The following SYNE1 variants were observed in gnomAD, a reference collection of about 807,000 sequenced individuals.
SYNE1 encodes the protein nesprin-1.
A neutral mutation model predicts 1,111.0 loss-of-function variants in SYNE1; 616 were observed. The observed-to-expected ratio is 0.55, with a 90% CI of 0.52 to 0.59. The LOEUF (loss-of-function observed/expected upper bound fraction) is 0.59. Among genes scored for constraint, SYNE1 ranks in the 20% least tolerant of loss-of-function variants. SYNE1 has a pLI of 0.00. For synonymous variants in SYNE1, 3,855 were observed against 3,825.8 expected (o/e 1.01, Z -0.28); for missense variants, 10,006 against 10,417.0 (o/e 0.96, Z 1.72).
At position 152,510,181 on chromosome 6, in the gene SYNE1, CTT is replaced by C. The variant is rs1429057946; in HGVS notation, c.581+10_581+11del. 4.6e-5 allele frequency: 74 copies of C among 1,613,478 alleles called. No homozygotes were observed. Among genetic ancestry groups the C allele is most frequent in the Non-Finnish European group, 5.8e-5 (68 of 1,179,714 alleles). ...TAACGGTTTCAAATTTAGACAAACT[CTT>C]GATACTTACTTGCCAGCTGTGTACT... On this transcript the variant is annotated intron_variant, in intron 8 of 145. Coordinates refer to ENST00000367255, the MANE Select transcript of SYNE1 (RefSeq NM_182961.4).
rs774930286 is a variant in SYNE1 at position 152,242,476 on chromosome 6, C to T, written c.19693-36G>A. The T allele has an allele frequency of 4.4e-5, 71 of 1,609,856 alleles. No individual in the cohort carries two copies. The Admixed American group carries it at 1.2e-3, about 26-fold the overall frequency. On this transcript the variant is annotated intron_variant, in intron 106 of 145. Coordinates refer to ENST00000367255, the MANE Select transcript of SYNE1 (RefSeq NM_182961.4). ...GAGACCACAAGACTCACTCTCAATT[C>T]ATATTCTGGCAACCCTCTAAAAGCA...
chr6:152,168,189 C>A (rs2064146066), intron 130 of SYNE1: 1 of 771,178 alleles, frequency 1.3e-6, no homozygotes. Context: ...GCACTCAGGT[C>A]CTCCGCCACC....
intron 64 of SYNE1, 29 bp from the exon 65 acceptor site, chr6:152,359,487 G>A: frequency 6.2e-7 from 1 of 1,613,840 alleles, no homozygotes; most frequent in South Asian, 1.1e-5. Context: ...AAATAAAGTG[G>A]CCATTCATGC....
At chr6:152,335,924 T>G (rs1354355813) in intron 76 of SYNE1, 2 of 152,088 alleles carry the variant, frequency 1.3e-5, no homozygotes, top group Non-Finnish European at 2.9e-5. Context: ...TGGCCTCAAG[T>G]GATCTGCCCA....
At chr6:152,415,251 C>G (rs1419697770) in intron 41 of SYNE1, among the ~76,000 whole-genome samples, 1 of 152,150 alleles carries the variant, frequency 6.6e-6, no homozygotes, top group Non-Finnish European at 1.5e-5. Context: ...GGGAACTTAT[C>G]TTTGACCCGT....
At chr6:152,238,084 T>C (rs756955705) in intron 108 of SYNE1, among the ~76,000 whole-genome samples, 2 of 151,400 alleles carry the variant, frequency 1.3e-5, no homozygotes, top group Non-Finnish European at 2.9e-5. Context: ...TAATAAACAA[T>C]AAACCAAAAA....
In SYNE1 at chr6:152,606,569, C is replaced by T. The variant is rs2128730731; in HGVS notation, c.67+21696G>A. ...ACTCTGCATTTTACCAATAGAAGAG[C>T]ACACAAATGCAAAGAAGTGAATCAA... On this transcript the variant is annotated intron_variant, in intron 3 of 145. Coordinates refer to ENST00000367255, the MANE Select transcript of SYNE1 (RefSeq NM_182961.4). Among the ~76,000 whole-genome samples the T allele has an allele frequency of 2.0e-5, 3 of 152,270 alleles. No homozygotes were observed. In the Middle Eastern group the frequency reaches 0.01, roughly 518 times the overall value.
At chr6:152,382,465 T>G (rs1055599236) in intron 55 of SYNE1, among the ~76,000 whole-genome samples, 1 of 152,172 alleles carries the variant, frequency 6.6e-6, no homozygotes, top group Non-Finnish European at 1.5e-5. Flanking sequence ...ATATATCTGT[T>G]CATAATTATA....
At chr6:152,441,691 A>G (rs893312949) in intron 31 of SYNE1, among the ~76,000 whole-genome samples, 9 of 152,214 alleles carry the variant, frequency 5.9e-5, no homozygotes, top group African/African-American at 2.2e-4. Context: ...TTTAAAGGTA[A>G]TGTGTCAACA....
At chr6:152,604,978 AAG>A (rs2099608063) in intron 3 of SYNE1, among the ~76,000 whole-genome samples, 2 of 20,950 alleles carry the variant, frequency 9.5e-5, no homozygotes, top group Non-Finnish European at 1.8e-4. Context: ...GAAAGAAAGA[AAG>A]AAAGAAAGAA....
intron 11 of SYNE1, among the ~76,000 whole-genome samples, chr6:152,490,182 A>G (rs1328314289): frequency 6.6e-6 from 1 of 152,228 alleles, no homozygotes; most frequent in Non-Finnish European, 1.5e-5. Context: ...GGTATTATAC[A>G]TAATCTACAG....
rs776709678 is a variant in SYNE1, at chr6:152,353,760, A to T, written c.10927-16T>A. Reference sequence around the variant, plus strand: ...CGTGCCACTTCTGAAATGACAAAGTATCGAAGGGAAAGATTCAATCTTAGC... The same window carrying T: ...CGTGCCACTTCTGAAATGACAAAGTTTCGAAGGGAAAGATTCAATCTTAGC... On this transcript the variant is annotated splice_polypyrimidine_tract_variant and intron_variant, in intron 67 of 145. Coordinates refer to ENST00000367255, the MANE Select transcript of SYNE1 (RefSeq NM_182961.4). 5.0e-6 allele frequency: 8 copies of T among 1,613,388 alleles called. No homozygotes were observed. The highest frequency in any genetic ancestry group is 1.3e-5 in the African/African-American group (1 of 74,952).
intron 111 of SYNE1, among the ~76,000 whole-genome samples, chr6:152,234,453 C>A (rs1448865215): frequency 6.6e-6 from 1 of 152,162 alleles, no homozygotes; most frequent in Non-Finnish European, 1.5e-5. Flanking sequence ...CACTACCACG[C>A]CCGGCTAATA....
At chr6:152,323,418 G>C in intron 82 of SYNE1, 60 bp downstream of exon 82, 1 of 1,597,248 alleles carries the variant, frequency 6.3e-7, no homozygotes. Flanking sequence ...CAGCCTGGGC[G>C]ACAGAGCGAG....
Position 152,463,438 on chromosome 6 carries a change from C to T in SYNE1, c.2012G>A (p.Cys671Tyr). 2 of 1,613,778 alleles carry T rather than the reference C, an allele frequency of 1.2e-6. No individual in the cohort carries two copies. Among genetic ancestry groups the T allele is most frequent in the Non-Finnish European group, 1.7e-6 (2 of 1,179,784 alleles). Residue 671 changes from cysteine (C) to tyrosine (Y), a missense_variant, in exon 19 of 146, where the codon TGT becomes TAT. By Grantham distance (194) the Cys-to-Tyr change is radical. Coordinates refer to ENST00000367255, the MANE Select transcript of SYNE1 (RefSeq NM_182961.4). ...CAGGTCACGGGAAACCATCTCATCA[C>T]AGGTTTCAATTAGAAAATTGCCAGC... Reference protein sequence around the residue: ...NDAGNFLIETCDEMVSRDLKQ... With the variant: ...NDAGNFLIETYDEMVSRDLKQ...
Position 152,244,601 on chromosome 6 carries a change from A to C in SYNE1, c.19628T>G (p.Leu6543Ter). The C allele has an allele frequency of 6.2e-7, 1 of 1,614,010 alleles. No individual in the cohort carries two copies. Among genetic ancestry groups the C allele is most frequent in the South Asian group, 1.1e-5 (1 of 91,080 alleles). Residue 6543 changes from leucine to a stop codon, truncating the protein, a stop_gained, in exon 106 of 146, where the codon TTA becomes TGA. Coordinates refer to ENST00000367255, the MANE Select transcript of SYNE1 (RefSeq NM_182961.4). LOFTEE classifies it high-confidence loss of function. ...CTGTAGCTTGTCACCACGCCTCTTTAATTCAATGATTCCTGCATCAAATTC... is the reference window on the plus strand; with the variant it reads ...CTGTAGCTTGTCACCACGCCTCTTTCATTCAATGATTCCTGCATCAAATTC... ...LKEFDAGIIE[L>*]KRRGDKLQVE...
intron 130 of SYNE1, among the ~76,000 whole-genome samples, chr6:152,170,582 C>T (rs1419938199): frequency 6.6e-6 from 1 of 152,230 alleles, no homozygotes; most frequent in Non-Finnish European, 1.5e-5. Flanking sequence ...GACTCAAACA[C>T]CCTTAGGTAA....
At chr6:152,221,893 G>A (rs1044462701) in intron 117 of SYNE1, among the ~76,000 whole-genome samples, 2 of 152,160 alleles carry the variant, frequency 1.3e-5, no homozygotes, top group Non-Finnish European at 2.9e-5. Context: ...GGGTTTAATT[G>A]TGTAATGTCC....
intron 121 of SYNE1, among the ~76,000 whole-genome samples, chr6:152,216,281 A>G (rs947997898): frequency 4.6e-5 from 7 of 152,180 alleles, no homozygotes; most frequent in Non-Finnish European, 1.0e-4. Context: ...CGTGGCACTT[A>G]CAGGGAATAA....
Sources: allele counts gnomAD v4.1 joint callset (sites outside exome capture counted in the v4.1 genomes callset), GRCh38; gene constraint gnomAD v4.1.1; transcripts MANE v1.5; gene names NCBI Gene and HGNC (gene_info 2026-07-23, HGNC 2026-07-21).